The following RAP1GAP2 variants were observed in gnomAD, a reference collection of about 807,000 sequenced individuals.
RAP1GAP2 encodes the protein RAP1 GTPase activating protein 2.
Under a neutral mutation model 95.0 loss-of-function variants are expected in RAP1GAP2, and 27 were observed. The ratio of observed to expected loss-of-function variants is 0.28; its 90% CI spans 0.21 to 0.39. The LOEUF (loss-of-function observed/expected upper bound fraction) is 0.39, where lower values mean the gene tolerates loss of function less well. Among genes scored for constraint, RAP1GAP2 ranks in the 10% least tolerant of loss-of-function variants. The pLI is 1.00. For missense variants in RAP1GAP2, 771 were observed against 970.0 expected (o/e 0.79, Z 2.72); for synonymous variants, 373 against 380.9 (o/e 0.98, Z 0.24).
intron 2 of RAP1GAP2, among the ~76,000 whole-genome samples, chr17:2,846,404 GTTTGTTTTGT>G (rs777092074): frequency 3.9e-5 from 6 of 151,984 alleles, no homozygotes; most frequent in African/African-American, 1.4e-4. Flanking sequence ...GACTTTGGCG[GTTTGTTTTGT>G]TTTGTTTTGT....
intron 8 of RAP1GAP2, 127 bp from the exon 9 acceptor site, chr17:2,980,159 TC>T: frequency 2.6e-6 from 2 of 760,516 alleles, no homozygotes; most frequent in Non-Finnish European, 4.5e-6. Flanking sequence ...GACAGGCTGG[TC>T]TCGAACTCCT....
chr17:2,973,180 G>T (rs1291130278), intron 8 of RAP1GAP2, among the ~76,000 whole-genome samples: 3 of 152,130 alleles, frequency 2.0e-5, no homozygotes, highest in Non-Finnish European at 2.9e-5. Context: ...CATAGGAGAG[G>T]TACTGAAGGG....
intron 2 of RAP1GAP2, among the ~76,000 whole-genome samples, chr17:2,890,833 C>T (rs936385401): frequency 1.3e-5 from 2 of 151,768 alleles, no homozygotes; most frequent in African/African-American, 4.8e-5. Flanking sequence ...CACAGGCGCC[C>T]GCCACCACGC....
chr17:2,848,176 C>A (rs1414391216), intron 2 of RAP1GAP2, among the ~76,000 whole-genome samples: 1 of 152,112 alleles, frequency 6.6e-6, no homozygotes, highest in Non-Finnish European at 1.5e-5. Context: ...TGAGTGGGAT[C>A]TGTGGGTTTC....
At position 2,867,456 on chromosome 17, in the gene RAP1GAP2, T is replaced by C. The variant is rs1206642204; in HGVS notation, c.81-37828T>C. Among the ~76,000 whole-genome samples, 1 of 152,040 alleles carries C rather than the reference T, an allele frequency of 6.6e-6. No individual in the cohort carries two copies. The highest frequency in any genetic ancestry group is 1.5e-5 in the Non-Finnish European group (1 of 68,024). Reference sequence around the variant, plus strand: ...GTACCTTATCCACGAAGATGGACGATGGCTGCCCTGGGCTGACCTTCTACC... The same window carrying C: ...GTACCTTATCCACGAAGATGGACGACGGCTGCCCTGGGCTGACCTTCTACC... On this transcript the variant is annotated intron_variant, in intron 2 of 24. Coordinates refer to ENST00000254695, the MANE Select transcript of RAP1GAP2 (RefSeq NM_015085.5). The surrounding 1 kb of genome is among the most constrained non-coding windows in gnomAD (Gnocchi z 4.5).
At chr17:2,980,813 G>A (rs77614722) in intron 9 of RAP1GAP2, among the ~76,000 whole-genome samples, 1 of 152,292 alleles carries the variant, frequency 6.6e-6, no homozygotes, top group Non-Finnish European at 1.5e-5. Flanking sequence ...CTGCGAACCT[G>A]AGAACTGAGT....
intron 2 of RAP1GAP2, among the ~76,000 whole-genome samples, chr17:2,895,096 C>T (rs567602666): frequency 6.6e-6 from 1 of 152,236 alleles, no homozygotes; most frequent in South Asian, 2.1e-4. Context: ...TTCCTTCAAG[C>T]GGCTCAGGTG....
At chr17:2,972,630 GAATAAAAT>G (rs1483111235) in intron 8 of RAP1GAP2, among the ~76,000 whole-genome samples, 2 of 132,890 alleles carry the variant, frequency 1.5e-5, no homozygotes, top group African/African-American at 5.6e-5. Context: ...GGATCTTTTT[GAATAAAAT>G]CAGTCAAATG....
At chr17:2,992,709 C>T (rs1450053620) in intron 12 of RAP1GAP2, among the ~76,000 whole-genome samples, 1 of 152,182 alleles carries the variant, frequency 6.6e-6, no homozygotes, top group Non-Finnish European at 1.5e-5. Context: ...AGCGGATATT[C>T]ACTAATTGCT....
In RAP1GAP2 at chr17:2,797,654, GC is replaced by G. The variant is rs1343970755; in HGVS notation, c.44+1084del. 4 of 978,188 alleles carry G rather than the reference GC, an allele frequency of 4.1e-6. No homozygotes were observed. In the African/African-American group the frequency reaches 7.0e-5, roughly 17 times the overall value. 60.6% of individuals were successfully genotyped at this position (978,188 alleles called of 1,614,324 possible). A position where few individuals can be genotyped will look rare whatever the true frequency, so the allele number is the denominator to read the frequency against. On this transcript the variant is annotated intron_variant, in intron 1 of 24. Transcript: ENST00000254695. The surrounding 1 kb of genome is among the most constrained non-coding windows in gnomAD (Gnocchi z 5.6). ...AAAGCACTTTGCCATCCATCCTCTG[GC>G]AGGGGGGGACTGTGGGCACTCCATG...
At chr17:2,995,276 T>C (rs981638471) in intron 12 of RAP1GAP2, 61 bp from the exon 13 acceptor site, 12 of 1,555,284 alleles carry the variant, frequency 7.7e-6, no homozygotes, top group Non-Finnish European at 9.7e-6. Context: ...GAGCTTGCAT[T>C]AAGTTGCCCA....
At chr17:2,785,624 C>T (rs1049933993) in intron 1 of RAP1GAP2, among the ~76,000 whole-genome samples, 3 of 152,168 alleles carry the variant, frequency 2.0e-5, no homozygotes, top group African/African-American at 7.2e-5. Context: ...TGATGTATCA[C>T]GACCTTTTCA....
chr17:3,019,623 AT>A (rs2046887670), intron 18 of RAP1GAP2, among the ~76,000 whole-genome samples: 3 of 152,190 alleles, frequency 2.0e-5, no homozygotes, highest in Admixed American at 2.0e-4. Context: ...AATTATGAGT[AT>A]TATAAATGGC....
chr17:2,777,604 G>C (rs892081130), intron 1 of RAP1GAP2, among the ~76,000 whole-genome samples: 1 of 152,120 alleles, frequency 6.6e-6, no homozygotes, highest in Non-Finnish European at 1.5e-5. Flanking sequence ...CCAGCACCAG[G>C]TGCTGTGTGT....
intron 1 of RAP1GAP2, among the ~76,000 whole-genome samples, chr17:2,798,184 C>A (rs2069148576): frequency 6.6e-6 from 1 of 152,166 alleles, no homozygotes; most frequent in Admixed American, 6.5e-5. Flanking sequence ...AATGCACATT[C>A]AGATTCAGGA....
chr17:2,832,394 TA>T (rs996443100), intron 2 of RAP1GAP2, among the ~76,000 whole-genome samples: 1 of 149,184 alleles, frequency 6.7e-6, no homozygotes, highest in Admixed American at 6.7e-5. Context: ...CCATCTCTAC[TA>T]AAAATACAAA....
chr17:2,815,508 G>A (rs1003608590), intron 2 of RAP1GAP2, among the ~76,000 whole-genome samples: 1 of 143,770 alleles, frequency 7.0e-6, no homozygotes, highest in Non-Finnish European at 1.5e-5. Flanking sequence ...TTGAGACAGA[G>A]TCTCGCTTTG....
At chr17:2,893,538 T>A (rs1410538034) in intron 2 of RAP1GAP2, among the ~76,000 whole-genome samples, 1 of 152,254 alleles carries the variant, frequency 6.6e-6, no homozygotes, top group African/African-American at 2.4e-5. Context: ...CCACACTGAA[T>A]GAATCATAAG....
At position 2,822,644 on chromosome 17, in the gene RAP1GAP2, T is replaced by G. The variant is rs576911222; in HGVS notation, c.80+22094T>G. Among the ~76,000 whole-genome samples the G allele has an allele frequency of 3.9e-3, 586 of 149,944 alleles. 3 individuals carry two copies. Among genetic ancestry groups the G allele is most frequent in the African/African-American group, 0.014 (543 of 40,222 alleles). On this transcript the variant is annotated intron_variant, in intron 2 of 24. Coordinates refer to ENST00000254695, the MANE Select transcript of RAP1GAP2 (RefSeq NM_015085.5). ...TTTTTTTTGTTTTTTTTTTTTTTTTTTTTTTTAAGAAAAGGTGGCTCACGC... is the reference window on the plus strand; with the variant it reads ...TTTTTTTTGTTTTTTTTTTTTTTTTGTTTTTTAAGAAAAGGTGGCTCACGC...
Sources: allele counts gnomAD v4.1 joint callset (sites outside exome capture counted in the v4.1 genomes callset), GRCh38; gene constraint gnomAD v4.1.1; non-coding constraint Gnocchi (gnomAD v3.1); transcripts MANE v1.5; gene names NCBI Gene and HGNC (gene_info 2026-07-23, HGNC 2026-07-21).